The following LEF1 variants were observed in gnomAD, a reference collection of about 807,000 sequenced individuals.
The protein encoded by LEF1 is lymphoid enhancer-binding factor 1.
Under a neutral mutation model 51.2 loss-of-function variants are expected in LEF1, and 14 were observed. The observed-to-expected ratio is 0.27, with a 90% CI of 0.18 to 0.43. The LOEUF (loss-of-function observed/expected upper bound fraction) is 0.43, where lower values mean the gene tolerates loss of function less well. Ranked by LOEUF, LEF1 falls within the 20% of genes least tolerant of loss-of-function variation. The pLI is 1.00. For missense variants in LEF1, 386 were observed against 512.0 expected (o/e 0.75, Z 2.37); for synonymous variants, 185 against 183.2 (o/e 1.01, Z -0.08).
intron 3 of LEF1, among the ~76,000 whole-genome samples, chr4:108,135,355 G>A (rs1329648097): frequency 2.6e-5 from 4 of 152,174 alleles, no homozygotes; most frequent in East Asian, 1.9e-4. Context: ...AACAGCAAAC[G>A]TTCTGAAACC....
At chr4:108,090,471 TC>T (rs912454641) in intron 3 of LEF1, among the ~76,000 whole-genome samples, 1 of 151,740 alleles carries the variant, frequency 6.6e-6, no homozygotes, top group Admixed American at 6.6e-5. Flanking sequence ...TTAAGGTTGT[TC>T]CCCCCAACCC....
Position 108,167,140 on chromosome 4 carries a change from T to C in LEF1, c.213+415A>G, listed in dbSNP as rs1205820421. ...TTTTGCAGAGACATCTACCAAGAGA[T>C]AGCGTGTGCACTTTGTTTTCCGTCC... On this transcript the variant is annotated intron_variant, in intron 1 of 11. Transcript: ENST00000265165. The surrounding 1 kb of genome is among the most constrained non-coding windows in gnomAD (Gnocchi z 5.7). Among the ~76,000 whole-genome samples the C allele has an allele frequency of 1.3e-5, 2 of 152,126 alleles. No individual in the cohort carries two copies. The highest frequency in any genetic ancestry group is 1.9e-4 in the East Asian group (1 of 5,178).
At chr4:108,134,906 T>C (rs562331249) in intron 3 of LEF1, among the ~76,000 whole-genome samples, 7 of 152,298 alleles carry the variant, frequency 4.6e-5, no homozygotes, top group Admixed American at 6.5e-5. Flanking sequence ...TCTTCATACA[T>C]TTTAATCAAT....
intron 7 of LEF1, 134 bp downstream of exon 7, chr4:108,079,358 G>C (rs1223942148): frequency 2.0e-6 from 2 of 998,092 alleles, no homozygotes; most frequent in Non-Finnish European, 3.1e-6. Flanking sequence ...CTCAGGGACA[G>C]AGTTTTCAAG....
At chr4:108,087,630 G>A (rs4256291) in intron 4 of LEF1, among the ~76,000 whole-genome samples, 126,249 of 152,142 alleles carry the variant, frequency 0.83, 53,691 homozygotes, top group East Asian at 0.96. Flanking sequence ...TCTTTTTAAA[G>A]AGTTAATGTT....
chr4:108,064,655 T>A (rs1046141778), intron 9 of LEF1, among the ~76,000 whole-genome samples: 4 of 127,810 alleles, frequency 3.1e-5, no homozygotes, highest in Admixed American at 9.7e-5. Context: ...TCTCTCTCAC[T>A]CACACACACA....
At chr4:108,121,821 A>G (rs1288500865) in intron 3 of LEF1, among the ~76,000 whole-genome samples, 2 of 152,234 alleles carry the variant, frequency 1.3e-5, no homozygotes, top group African/African-American at 4.8e-5. Context: ...ACTTAATGCC[A>G]TAACTTTCCT....
intron 4 of LEF1, among the ~76,000 whole-genome samples, chr4:108,084,844 A>G (rs1172492421): frequency 6.6e-6 from 1 of 152,120 alleles, no homozygotes; most frequent in African/African-American, 2.4e-5. Context: ...TTCTTAACAT[A>G]TCAGAATCAT....
chr4:108,107,657 G>A (rs1436162930), intron 3 of LEF1, among the ~76,000 whole-genome samples: 1 of 152,018 alleles, frequency 6.6e-6, no homozygotes, highest in Admixed American at 6.6e-5. Flanking sequence ...TTGCTGTCAA[G>A]GAAGTAACTA....
At chr4:108,124,586 T>C (rs1578371347) in intron 3 of LEF1, among the ~76,000 whole-genome samples, 1 of 152,102 alleles carries the variant, frequency 6.6e-6, no homozygotes, top group African/African-American at 2.4e-5. Context: ...GCCAGGCTGG[T>C]CTCAAACCCC....
At chr4:108,166,208 C>T (rs904145789) in intron 1 of LEF1, 5 of 1,494,034 alleles carry the variant, frequency 3.3e-6, no homozygotes, top group Non-Finnish European at 4.4e-6. Context: ...CTGGATTCAA[C>T]GGGTAAAGAA....
At chr4:108,053,351 C>T (rs185367752) in intron 11 of LEF1, among the ~76,000 whole-genome samples, 16 of 152,302 alleles carry the variant, frequency 1.1e-4, no homozygotes, top group Non-Finnish European at 2.2e-4. Context: ...GGAAGGTTAA[C>T]ACTGAGTTTT....
At chr4:108,064,781 T>C (rs1737960145) in intron 9 of LEF1, among the ~76,000 whole-genome samples, 1 of 152,058 alleles carries the variant, frequency 6.6e-6, no homozygotes, top group Non-Finnish European at 1.5e-5. Flanking sequence ...CCTAGAGCTG[T>C]GGCCATAGGA....
At chr4:108,094,767 G>A (rs1740270793) in intron 3 of LEF1, among the ~76,000 whole-genome samples, 1 of 152,168 alleles carries the variant, frequency 6.6e-6, no homozygotes, top group South Asian at 2.1e-4. Flanking sequence ...GAATCCAGGG[G>A]AATTTTAACA....
rs1164799162 is a variant in LEF1 at position 108,099,593 on chromosome 4, TA to T, written c.415-10337del. Among the ~76,000 whole-genome samples, 7 of 126,836 alleles carry T rather than the reference TA, an allele frequency of 5.5e-5. 1 individual carries two copies. The highest frequency in any genetic ancestry group is 1.2e-4 in the Non-Finnish European group (7 of 59,164). 83.2% of individuals were successfully genotyped at this position (126,836 alleles called of 152,430 possible). Reference sequence around the variant, plus strand: ...GTGTATATATATATATATATATATATATATATATATATATATATATATATAA... The same window carrying T: ...GTGTATATATATATATATATATATATTATATATATATATATATATATATAA... On this transcript the variant is annotated intron_variant, in intron 3 of 11. Transcript: ENST00000265165.
chr4:108,048,432 T>C lies in LEF1; in HGVS notation c.*326A>G. The C allele has an allele frequency of 3.0e-6, 1 of 335,982 alleles. No individual in the cohort carries two copies. The highest frequency in any genetic ancestry group is 5.4e-6 in the Non-Finnish European group (1 of 185,276). The allele number at this position is 335,982 out of a possible 1,614,324, so 20.8% of individuals were successfully genotyped here. A position where few individuals can be genotyped will look rare whatever the true frequency, so the allele number is the denominator to read the frequency against. On this transcript the variant is annotated 3_prime_UTR_variant, in exon 12 of 12. Transcript: ENST00000265165. ...ATGCTCTGGGAAGTGCACGCAGATA[T>C]GAGGGGAGAAAAGCTGCTCAGCTGC...
chr4:108,095,939 T>A (rs2110282328), intron 3 of LEF1, among the ~76,000 whole-genome samples: 1 of 152,240 alleles, frequency 6.6e-6, no homozygotes, highest in East Asian at 1.9e-4. Context: ...TATGTAAAGT[T>A]GCAACATCCT....
chr4:108,061,793 C>T (rs1399773968), intron 11 of LEF1, among the ~76,000 whole-genome samples: 4 of 152,100 alleles, frequency 2.6e-5, no homozygotes, highest in South Asian at 2.1e-4. Flanking sequence ...AAGAGGTTCT[C>T]GATTAATAGC....
chr4:108,108,009 G>C (rs909130273), intron 3 of LEF1, among the ~76,000 whole-genome samples: 1 of 152,294 alleles, frequency 6.6e-6, no homozygotes, highest in African/African-American at 2.4e-5. Flanking sequence ...GCTAGAAAGG[G>C]ACAGGTCTCC....
Sources: allele counts gnomAD v4.1 joint callset (sites outside exome capture counted in the v4.1 genomes callset), GRCh38; gene constraint gnomAD v4.1.1; non-coding constraint Gnocchi (gnomAD v3.1); transcripts MANE v1.5; gene names NCBI Gene and HGNC (gene_info 2026-07-23, HGNC 2026-07-21).